ZNF609: variants seen among roughly 807,000 people sequenced by gnomAD.
ZNF609 encodes the protein zinc finger protein 609.
ZNF609 carries 11 observed loss-of-function variants against 109.5 expected under a neutral mutation model. The ratio of observed to expected loss-of-function variants is 0.10; its 90% CI spans 0.06 to 0.17. ZNF609 has a LOEUF of 0.17. Among genes scored for constraint, ZNF609 ranks in the 10% least tolerant of loss-of-function variants. ZNF609 has a pLI of 1.00. For missense variants in ZNF609, 1,559 were observed against 1,772.4 expected, an observed-to-expected ratio of 0.88 and a Z score of 2.16; for synonymous variants, 646 against 662.0, an observed-to-expected ratio of 0.98 and a Z score of 0.37.
At chr15:64,586,529 G>A (rs1367501476) in intron 2 of ZNF609, among the ~76,000 whole-genome samples, 1 of 152,062 alleles carries the variant, frequency 6.6e-6, no homozygotes, top group African/African-American at 2.4e-5. Context: ...CATAGGAGCG[G>A]GAACCCTATT....
intron 3 of ZNF609, 96 bp from the exon 4 acceptor site, chr15:64,670,250 C>A: frequency 1.0e-6 from 1 of 1,004,946 alleles, no homozygotes; most frequent in Non-Finnish European, 1.6e-6. Flanking sequence ...ACCTCCTAAA[C>A]CCTCTTATAG....
chr15:64,641,536 C>T (rs1896258272), intron 3 of ZNF609, among the ~76,000 whole-genome samples: 1 of 151,602 alleles, frequency 6.6e-6, no homozygotes, highest in Non-Finnish European at 1.5e-5. Flanking sequence ...TTCTTTGGCT[C>T]CTCGAGTCCC....
chr15:64,541,114 T>C (rs1242109973), intron 2 of ZNF609, among the ~76,000 whole-genome samples: 1 of 140,438 alleles, frequency 7.1e-6, no homozygotes, highest in Non-Finnish European at 1.5e-5. Flanking sequence ...ATATAGGAAA[T>C]ATGGAAAAGC....
At chr15:64,616,925 C>T (rs1895808659) in intron 2 of ZNF609, among the ~76,000 whole-genome samples, 2 of 146,710 alleles carry the variant, frequency 1.4e-5, no homozygotes, top group South Asian at 4.3e-4. Context: ...TCTCATGCCT[C>T]AGTCTCCCAA....
intron 3 of ZNF609, among the ~76,000 whole-genome samples, chr15:64,655,806 G>A (rs1896480464): frequency 6.6e-6 from 1 of 152,156 alleles, no homozygotes; most frequent in South Asian, 2.1e-4. Flanking sequence ...TCCAGCCTGG[G>A]CAACGAGAGA....
chr15:64,473,667 G>A (rs1285850048), intron 1 of ZNF609, among the ~76,000 whole-genome samples: 1 of 151,520 alleles, frequency 6.6e-6, no homozygotes, highest in East Asian at 1.9e-4. Flanking sequence ...GTGCAGTGGT[G>A]CGATATCGGC....
At chr15:64,511,516 G>A (rs528710737) in intron 2 of ZNF609, among the ~76,000 whole-genome samples, 2 of 149,422 alleles carry the variant, frequency 1.3e-5, no homozygotes, top group African/African-American at 2.5e-5. Flanking sequence ...ATATATAGTC[G>A]TCATACTTAG....
At chr15:64,643,645 T>TAGG (rs1247887977) in intron 3 of ZNF609, 1 of 152,154 alleles carries the variant, frequency 6.6e-6, no homozygotes, top group African/African-American at 2.4e-5. Flanking sequence ...TTCTAGAGAA[T>TAGG]AGGACCAAAT....
intron 3 of ZNF609, among the ~76,000 whole-genome samples, chr15:64,669,078 G>A (rs1338379365): frequency 1.3e-5 from 2 of 151,934 alleles, no homozygotes; most frequent in African/African-American, 2.4e-5. Flanking sequence ...AAAGGAAAAG[G>A]GCAAGAGGTA....
chr15:64,553,205 C>T (rs961647139), intron 2 of ZNF609, among the ~76,000 whole-genome samples: 2 of 150,620 alleles, frequency 1.3e-5, no homozygotes, highest in Non-Finnish European at 2.9e-5. Flanking sequence ...TTTGTTCTTT[C>T]AAAGTTATTT....
intron 2 of ZNF609, among the ~76,000 whole-genome samples, chr15:64,538,438 G>A (rs2140377997): frequency 6.6e-6 from 1 of 152,260 alleles, no homozygotes; most frequent in East Asian, 1.9e-4. Context: ...TGTAAATTTG[G>A]CTCATCATAG....
chr15:64,506,011 A>T (rs1470693915), intron 2 of ZNF609, among the ~76,000 whole-genome samples: 1 of 152,144 alleles, frequency 6.6e-6, no homozygotes, highest in Admixed American at 6.5e-5. Context: ...AAAAAGTGTG[A>T]ACTCTGGAGC....
At chr15:64,634,915 T>A (rs1431584390) in intron 3 of ZNF609, among the ~76,000 whole-genome samples, 1 of 152,080 alleles carries the variant, frequency 6.6e-6, no homozygotes, top group African/African-American at 2.4e-5. Flanking sequence ...GCCAACACAT[T>A]CCCACCTAGC....
chr15:64,564,925 G>C (rs1337432428), intron 2 of ZNF609, among the ~76,000 whole-genome samples: 3 of 151,310 alleles, frequency 2.0e-5, no homozygotes, highest in African/African-American at 7.3e-5. Flanking sequence ...TCCGCTCACT[G>C]CAAGCTCCAC....
Position 64,499,276 on chromosome 15 carries a change from A to T in ZNF609, c.-127-17A>T. The T allele has an allele frequency of 8.9e-7, 1 of 1,129,878 alleles. No individual in the cohort carries two copies. The highest frequency in any genetic ancestry group is 1.2e-6 in the Non-Finnish European group (1 of 813,320). 70.0% of individuals were successfully genotyped at this position (1,129,878 alleles called of 1,614,324 possible). On this transcript the variant is annotated splice_polypyrimidine_tract_variant and intron_variant, in intron 1 of 9. Coordinates refer to ENST00000326648, the MANE Select transcript of ZNF609 (RefSeq NM_015042.2). The stretch of plus-strand genomic sequence containing the variant: ...GTATTGTTTCTTTTAACAGCTTTTT[A>T]AATTTTCTTTTTCCAGCAATGATGT...
chr15:64,511,498 AAGG>A (rs1177131995), intron 2 of ZNF609, among the ~76,000 whole-genome samples: 2 of 151,268 alleles, frequency 1.3e-5, no homozygotes, highest in Non-Finnish European at 2.9e-5. Context: ...AAAAAAAAAA[AAGG>A]AGGTATATAT....
intron 2 of ZNF609, among the ~76,000 whole-genome samples, chr15:64,555,608 A>G (rs899528595): frequency 2.7e-5 from 4 of 149,286 alleles, no homozygotes; most frequent in African/African-American, 9.9e-5. Context: ...AAATAGCCAG[A>G]TGCAGTGCTT....
intron 1 of ZNF609, among the ~76,000 whole-genome samples, chr15:64,476,862 CCTT>C (rs1322392715): frequency 6.6e-6 from 1 of 152,142 alleles, no homozygotes; most frequent in Non-Finnish European, 1.5e-5. Flanking sequence ...AGTATCATAA[CCTT>C]CTCTCTTCTT....
intron 2 of ZNF609, among the ~76,000 whole-genome samples, chr15:64,591,955 C>T (rs978547952): frequency 8.6e-5 from 13 of 151,944 alleles, no homozygotes; most frequent in African/African-American, 2.7e-4. Flanking sequence ...GTGATCCGCC[C>T]GCCTTGGCCT....
Sources: allele counts gnomAD v4.1 joint callset (sites outside exome capture counted in the v4.1 genomes callset), GRCh38; gene constraint gnomAD v4.1.1; transcripts MANE v1.5; gene names NCBI Gene and HGNC (gene_info 2026-07-23, HGNC 2026-07-21).